Variants in TNC observed in about 807,000 individuals in gnomAD.
The protein encoded by TNC is tenascin.
Under a neutral mutation model 202.4 loss-of-function variants are expected in TNC, and 109 were observed. The ratio of observed to expected loss-of-function variants is 0.54; its 90% CI spans 0.46 to 0.63. TNC has a LOEUF of 0.63. TNC is among the 30% of genes least tolerant of loss of function. TNC has a pLI of 0.00. For synonymous variants in TNC, 1,007 were observed against 1,089.7 expected, an observed-to-expected ratio of 0.92 and a Z score of 1.50; for missense variants, 2,756 against 2,833.3, an observed-to-expected ratio of 0.97 and a Z score of 0.62.
Position 115,057,234 on chromosome 9 carries a change from G to C in TNC, c.4498C>G (p.Pro1500Ala). 6.2e-7 allele frequency: 1 copy of C among 1,614,164 alleles called. No homozygotes were observed. Among genetic ancestry groups the C allele is most frequent in the South Asian group, 1.1e-5 (1 of 91,080 alleles). ...AGGTAGACAATAAAATCAGTACTAG[G>C]GGGTAGCCCTGAGATATGGGCAGTT... ...ERTAHISGLP[P>A]STDFIVYLSG... is the part of the protein sequence containing the mutation. The change falls in exon 15 of 28, where the codon CCT becomes GCT. Residue 1500 changes from proline (P) to alanine (A), a missense_variant. By Grantham distance (27) the Pro-to-Ala change is conservative. Coordinates refer to ENST00000350763, the MANE Select transcript of TNC (RefSeq NM_002160.4).
chr9:115,030,241 T>C lies in TNC; in HGVS notation c.6072+13A>G. On this transcript the variant is annotated intron_variant, in intron 24 of 27. Coordinates refer to ENST00000350763, the MANE Select transcript of TNC (RefSeq NM_002160.4). Reference sequence around the variant, plus strand: ...CTAGGCCTGAGGGCTCTGCAGTCCCTGGTGGTACTCACAATCCATCCACCC... The same window carrying C: ...CTAGGCCTGAGGGCTCTGCAGTCCCCGGTGGTACTCACAATCCATCCACCC... 6.2e-7 allele frequency: 1 copy of C among 1,603,500 alleles called. No homozygotes were observed. The highest frequency in any genetic ancestry group is 8.5e-7 in the Non-Finnish European group (1 of 1,171,792).
At chr9:115,091,224 A>C (rs1835208168) in intron 1 of TNC, 70 bp from the exon 2 acceptor site, 1 of 563,802 alleles carries the variant, frequency 1.8e-6, no homozygotes, top group South Asian at 2.4e-5. Flanking sequence ...TACAATTCCA[A>C]GTGAATTTTG....
intron 1 of TNC, chr9:115,112,748 T>G (rs1303740651): frequency 6.6e-6 from 1 of 152,650 alleles, no homozygotes; most frequent in African/African-American, 2.4e-5. Context: ...GAAAATGAAC[T>G]CCAGCAGACA....
At chr9:115,113,732 G>T (rs1837248929) in intron 1 of TNC, among the ~76,000 whole-genome samples, 1 of 152,140 alleles carries the variant, frequency 6.6e-6, no homozygotes, top group Non-Finnish European at 1.5e-5. Flanking sequence ...AGACGACGTG[G>T]CATGAAATAC....
intron 10 of TNC, among the ~76,000 whole-genome samples, chr9:115,071,144 G>C (rs1406689762): frequency 6.6e-6 from 1 of 152,218 alleles, no homozygotes; most frequent in Non-Finnish European, 1.5e-5. Flanking sequence ...ACAGAGCATG[G>C]TGATAGTATT....
At chr9:115,081,706 C>T (rs1229669928) in intron 6 of TNC, 66 bp downstream of exon 6, 5 of 1,578,514 alleles carry the variant, frequency 3.2e-6, no homozygotes, top group Non-Finnish European at 4.3e-6. Flanking sequence ...GGCACTTTCT[C>T]AACCAGGAGG....
intron 19 of TNC, among the ~76,000 whole-genome samples, chr9:115,040,724 C>T (rs903361597): frequency 2.6e-5 from 4 of 152,170 alleles, no homozygotes; most frequent in African/African-American, 7.2e-5. Context: ...AGGTTAAGGT[C>T]ACCCAGCTCA....
intron 1 of TNC, among the ~76,000 whole-genome samples, chr9:115,110,006 G>C (rs180781554): frequency 1.3e-5 from 2 of 152,260 alleles, no homozygotes; most frequent in Admixed American, 1.3e-4. Context: ...GAACTATATT[G>C]TCAAGAGGGG....
intron 1 of TNC, among the ~76,000 whole-genome samples, chr9:115,105,099 C>T (rs1836513112): frequency 6.6e-6 from 1 of 152,136 alleles, no homozygotes; most frequent in Non-Finnish European, 1.5e-5. Flanking sequence ...TTGACAATTA[C>T]AAAATCCTGT....
chr9:115,086,214 C>T lies in TNC; in HGVS notation c.1517G>A (p.Ser506Asn), dbSNP rs1261076374. ...CRDRQCPRDC[S>N]NRGLCVDGQC... The stretch of plus-strand genomic sequence containing the variant: ...TCCGTCCACACAGAGGCCCCTGTTG[C>T]TGCAGTCCCTGGGGCATTGGCGATC... Residue 506 changes from serine to asparagine, a missense_variant, in exon 3 of 28, where the codon AGC (serine) becomes AAC (asparagine). By Grantham distance (46) the Ser-to-Asn change is conservative. This residue lies in a region of TNC where 2,559 missense variants were observed against 2,546.0 expected (regional missense o/e 1.01). Coordinates refer to ENST00000350763, the MANE Select transcript of TNC (RefSeq NM_002160.4). The T allele has an allele frequency of 6.2e-7, 1 of 1,614,144 alleles. No homozygotes were observed.
rs755258406 is a variant in TNC, at chr9:115,086,280, A to G, written c.1451T>C (p.Met484Thr). The G allele has an allele frequency of 1.9e-6, 3 of 1,613,940 alleles. No homozygotes were observed. The highest frequency in any genetic ancestry group is 2.7e-5 in the African/African-American group (2 of 74,864). Residue 484 changes from methionine (M) to threonine (T), a missense_variant, in exon 3 of 28, where the codon ATG becomes ACG. By Grantham distance (81) the Met-to-Thr change is moderately conservative. Around this residue, in one of 2 missense-constraint regions of TNC, gnomAD observed 2,559 missense variants for 2,546.0 expected, o/e 1.01. Transcript: ENST00000350763. ...CHQHGRCVNG[M>T]CVCDDGYTGE... ...TGTGTAGCCGTCATCACAAACACAC[A>G]TGCCATTCACACAGCGGCCGTGCTG...
intron 19 of TNC, among the ~76,000 whole-genome samples, chr9:115,039,915 A>G (rs1298281441): frequency 6.6e-6 from 1 of 152,240 alleles, no homozygotes; most frequent in Admixed American, 6.5e-5. Context: ...CTGGGTTCAG[A>G]TGGGATATTT....
intron 18 of TNC, among the ~76,000 whole-genome samples, chr9:115,041,423 G>A (rs1189867789): frequency 1.3e-5 from 2 of 152,164 alleles, no homozygotes; most frequent in Non-Finnish European, 2.9e-5. Context: ...AATATGGGAA[G>A]CTTACTATGT....
chr9:115,086,718 C>G lies in TNC; in HGVS notation c.1013G>C (p.Gly338Ala), dbSNP rs371114128. 3 of 1,613,958 alleles carry G rather than the reference C, an allele frequency of 1.9e-6. No individual in the cohort carries two copies. The highest frequency in any genetic ancestry group is 2.5e-6 in the Non-Finnish European group (3 of 1,180,030). ...GCAGGTGGGTTTCCCGCAGTCTTCA[C>G]CTGTGAAGCCTTCTTCGCAGTAGCA... ...GTCYCEEGFT[G>A]EDCGKPTCPH... The change falls in exon 3 of 28, where the codon GGT becomes GCT. Residue 338 changes from glycine (G) to alanine (A), a missense_variant. Around this residue, in one of 2 missense-constraint regions of TNC, gnomAD observed 2,559 missense variants for 2,546.0 expected, o/e 1.01. Transcript: ENST00000350763.
chr9:115,098,076 A>C (rs1247181264), intron 1 of TNC, among the ~76,000 whole-genome samples: 3 of 152,196 alleles, frequency 2.0e-5, no homozygotes, highest in African/African-American at 7.2e-5. Context: ...ATAAGAAGAT[A>C]AAAACAATGG....
chr9:115,041,199 C>T, intron 18 of TNC, 115 bp from the exon 19 acceptor site: 1 of 1,217,924 alleles, frequency 8.2e-7, no homozygotes, highest in Non-Finnish European at 1.1e-6. Flanking sequence ...TCATCAAACA[C>T]CACTTTCTTG....
At chr9:115,068,437 T>C (rs1158497756) in intron 10 of TNC, among the ~76,000 whole-genome samples, 1 of 152,174 alleles carries the variant, frequency 6.6e-6, no homozygotes, top group Non-Finnish European at 1.5e-5. Context: ...GATGAGGAAC[T>C]CACTTCAGCG....
At chr9:115,025,316 T>A (rs1371553391) in intron 26 of TNC, among the ~76,000 whole-genome samples, 2 of 152,234 alleles carry the variant, frequency 1.3e-5, no homozygotes, top group African/African-American at 4.8e-5. Flanking sequence ...TGTTTGCCCC[T>A]GGGTGTCTCT....
At chr9:115,071,693 G>A (rs1833479715) in intron 10 of TNC, among the ~76,000 whole-genome samples, 1 of 152,088 alleles carries the variant, frequency 6.6e-6, no homozygotes, top group African/African-American at 2.4e-5. Context: ...TAAGGGAGAG[G>A]GGCAGAGGAA....
Sources: allele counts gnomAD v4.1 joint callset (sites outside exome capture counted in the v4.1 genomes callset), GRCh38; gene constraint gnomAD v4.1.1; regional missense constraint gnomAD v4.1.1; transcripts MANE v1.5; gene names NCBI Gene and HGNC (gene_info 2026-07-23, HGNC 2026-07-21).